TBC1D22A: variants seen among roughly 807,000 people sequenced by gnomAD.
TBC1D22A encodes the protein putative GTPase activator.
TBC1D22A carries 38 observed loss-of-function variants against 60.2 expected under a neutral mutation model. The ratio of observed to expected loss-of-function variants is 0.63; its 90% confidence interval spans 0.49 to 0.83. TBC1D22A has a LOEUF of 0.83. Among genes scored for constraint, TBC1D22A ranks in the 40% least tolerant of loss-of-function variants. TBC1D22A has a pLI of 0.00. For missense variants in TBC1D22A, 628 were observed against 701.0 expected (o/e 0.90, Z 1.18); for synonymous variants, 302 against 281.7 (o/e 1.07, Z -0.72).
At chr22:46,945,868 G>A (rs888380243) in intron 8 of TBC1D22A, among the ~76,000 whole-genome samples, 15 of 152,190 alleles carry the variant, frequency 9.9e-5, no homozygotes, top group African/African-American at 3.6e-4. Flanking sequence ...ATGGCAGTGA[G>A]CTTCATCCTG....
intron 11 of TBC1D22A, among the ~76,000 whole-genome samples, chr22:47,095,932 C>T (rs1055318950): frequency 2.6e-5 from 4 of 152,170 alleles, no homozygotes; most frequent in African/African-American, 9.7e-5. Flanking sequence ...CTGGCTGACC[C>T]CAAGGCTGAG....
At chr22:46,926,366 C>CA (rs1461846638) in intron 8 of TBC1D22A, among the ~76,000 whole-genome samples, 1 of 147,560 alleles carries the variant, frequency 6.8e-6, no homozygotes, top group Non-Finnish European at 1.5e-5. Context: ...AGAGAAAACT[C>CA]AAGTTACTAA....
rs16995963 is a variant in TBC1D22A, at chr22:46,912,023, G to A, written c.901-51G>A. ...AGTAATAGAATGCTTTCATTTTAAAGTTTCTGCCATGTTTACTTTTTGCTT... is the reference window on the plus strand; with the variant it reads ...AGTAATAGAATGCTTTCATTTTAAAATTTCTGCCATGTTTACTTTTTGCTT... On this transcript the variant is annotated intron_variant, in intron 7 of 12. Coordinates refer to ENST00000337137, the MANE Select transcript of TBC1D22A (RefSeq NM_014346.5). 3,027 of 1,273,888 alleles carry A rather than the reference G, an allele frequency of 2.4e-3. 59 individuals are homozygous for A. In the African/African-American group the frequency reaches 0.04, roughly 17 times the overall value. 78.9% of individuals were successfully genotyped at this position (1,273,888 alleles called of 1,614,324 possible). A position where few individuals can be genotyped will look rare whatever the true frequency, so the allele number is the denominator to read the frequency against.
At chr22:47,145,776 A>T (rs1348495483) in intron 12 of TBC1D22A, among the ~76,000 whole-genome samples, 2 of 152,192 alleles carry the variant, frequency 1.3e-5, no homozygotes, top group African/African-American at 4.8e-5. Context: ...TTTCTAAGAG[A>T]AGGTTTCCAC....
At position 46,777,598 on chromosome 22, in the gene TBC1D22A, G is replaced by A. The variant is rs1446496435; in HGVS notation, c.62+14750G>A. 1.3e-5 allele frequency among the ~76,000 whole-genome samples: 2 copies of A among 152,154 alleles called. No individual in the cohort carries two copies. Among genetic ancestry groups the A allele is most frequent in the African/African-American group, 2.4e-5 (1 of 41,438 alleles). ...ACTCGGCTTTGGGGAGCAGAGTTGGGAACACACAGAAGAGTCTGGGGCATG... is the reference window on the plus strand; with the variant it reads ...ACTCGGCTTTGGGGAGCAGAGTTGGAAACACACAGAAGAGTCTGGGGCATG... On this transcript the variant is annotated intron_variant, in intron 1 of 12. Transcript: ENST00000337137. This position sits in a 1 kb window ranked among gnomAD's most constrained non-coding sequence, Gnocchi z 4.5.
rs569523953 is a variant in TBC1D22A at position 46,918,063 on chromosome 22, C to T, written c.1015+5875C>T. Among the ~76,000 whole-genome samples, 36 of 131,424 alleles carry T rather than the reference C, an allele frequency of 2.7e-4. No individual in the cohort carries two copies. In the South Asian group the frequency reaches 7.5e-3, roughly 27 times the overall value. The allele number at this position is 131,424 out of a possible 152,430, so 86.2% of individuals were successfully genotyped here. A position where few individuals can be genotyped will look rare whatever the true frequency, so the allele number is the denominator to read the frequency against. On this transcript the variant is annotated intron_variant, in intron 8 of 12. Transcript: ENST00000337137. ...TCTGCAGTGGACACGAAATGGAGAT[C>T]GTAATGGCACCAGTCCCTTGGTTGG...
intron 10 of TBC1D22A, among the ~76,000 whole-genome samples, chr22:47,014,146 G>A (rs939676312): frequency 1.3e-5 from 2 of 152,200 alleles, no homozygotes; most frequent in Admixed American, 6.5e-5. Context: ...GTCTCTGATG[G>A]GGGCTCATCA....
In TBC1D22A at chr22:47,173,485, T is replaced by C. The variant is rs1474050139; in HGVS notation, c.1426-13T>C. 3.7e-6 allele frequency: 6 copies of C among 1,613,506 alleles called. No homozygotes were observed. In the African/African-American group the frequency reaches 5.3e-5, roughly 14 times the overall value. On this transcript the variant is annotated splice_polypyrimidine_tract_variant and intron_variant, in intron 12 of 12. Transcript: ENST00000337137. ...TCACCTCCTCTGACCTGGGCTTGTC[T>C]CTTTCTCCCCAGGAGCTGCTGCTCT...
intron 4 of TBC1D22A, among the ~76,000 whole-genome samples, chr22:46,876,284 A>G (rs770693840): frequency 6.6e-6 from 1 of 152,188 alleles, no homozygotes; most frequent in Non-Finnish European, 1.5e-5. Flanking sequence ...CATAATTTAG[A>G]TAAACTTACT....
intron 8 of TBC1D22A, among the ~76,000 whole-genome samples, chr22:46,957,518 C>T (rs136084): frequency 0.2 from 30,566 of 152,154 alleles, 3,227 homozygotes; most frequent in East Asian, 0.28. Context: ...GTCACAAGAA[C>T]AGCATGGGGG....
At chr22:47,137,190 A>G (rs1338758499) in intron 12 of TBC1D22A, among the ~76,000 whole-genome samples, 1 of 152,230 alleles carries the variant, frequency 6.6e-6, no homozygotes, top group Non-Finnish European at 1.5e-5. Flanking sequence ...CAGGGCAAAC[A>G]TGGTAGGATT....
chr22:46,930,601 G>A (rs902314059), intron 8 of TBC1D22A, among the ~76,000 whole-genome samples: 13 of 148,276 alleles, frequency 8.8e-5, no homozygotes, highest in African/African-American at 2.5e-4. Context: ...GACTACGGGC[G>A]CCCACCACCA....
At chr22:46,985,811 T>C (rs1779131589) in intron 9 of TBC1D22A, among the ~76,000 whole-genome samples, 1 of 152,234 alleles carries the variant, frequency 6.6e-6, no homozygotes, top group Non-Finnish European at 1.5e-5. Flanking sequence ...CCACAGGGTC[T>C]TCATTTATTC....
intron 7 of TBC1D22A, among the ~76,000 whole-genome samples, chr22:46,911,150 A>T (rs1180497568): frequency 6.6e-6 from 1 of 151,972 alleles, no homozygotes; most frequent in Admixed American, 6.6e-5. Context: ...CCTCCTTATG[A>T]GTGAAGATGG....
At chr22:46,926,860 AATT>A (rs919509813) in intron 8 of TBC1D22A, among the ~76,000 whole-genome samples, 14 of 152,224 alleles carry the variant, frequency 9.2e-5, no homozygotes, top group African/African-American at 3.1e-4. Context: ...AGACTGAATT[AATT>A]ATTAACAATT....
intron 1 of TBC1D22A, chr22:46,773,804 G>A: frequency 2.3e-6 from 1 of 430,748 alleles, no homozygotes; most frequent in Non-Finnish European, 3.1e-6. Flanking sequence ...CACACGTGTA[G>A]TCCTCATAGC....
intron 1 of TBC1D22A, among the ~76,000 whole-genome samples, chr22:46,784,448 G>T (rs1188676919): frequency 6.6e-6 from 1 of 152,298 alleles, no homozygotes; most frequent in South Asian, 2.1e-4. Context: ...AATATCTTTA[G>T]TTGTAGTCTG....
intron 1 of TBC1D22A, chr22:46,789,529 C>G (rs1051080087): frequency 4.9e-6 from 1 of 203,058 alleles, no homozygotes; most frequent in African/African-American, 2.4e-5. Context: ...CTTTGCCTCC[C>G]CAGTGCCCTG....
At chr22:46,879,060 A>G (rs559774520) in intron 5 of TBC1D22A, among the ~76,000 whole-genome samples, 116 of 152,180 alleles carry the variant, frequency 7.6e-4, no homozygotes, top group Non-Finnish European at 1.2e-3. Flanking sequence ...GAAACAGGGA[A>G]ATATGTTTTA....
Sources: allele counts gnomAD v4.1 joint callset (sites outside exome capture counted in the v4.1 genomes callset), GRCh38; gene constraint gnomAD v4.1.1; non-coding constraint Gnocchi (gnomAD v3.1); transcripts MANE v1.5; gene names NCBI Gene and HGNC (gene_info 2026-07-23, HGNC 2026-07-21).